The following NRDE2 variants were observed in gnomAD, a reference collection of about 807,000 sequenced individuals.
NRDE2 encodes NRDE-2, necessary for RNA interference, domain containing, also known as nuclear exosome regulator NRDE2.
NRDE2 carries 76 observed loss-of-function variants against 124.2 expected under a neutral mutation model. That is an observed-to-expected ratio of 0.61 (90% confidence interval 0.51 to 0.74). The LOEUF is 0.74. NRDE2 is among the 30% of genes least tolerant of loss of function. The pLI is 0.00. For synonymous variants in NRDE2, 489 were observed against 528.1 expected (o/e 0.93, Z 1.01); for missense variants, 1,314 against 1,417.3 (o/e 0.93, Z 1.17).
intron 1 of NRDE2, among the ~76,000 whole-genome samples, chr14:90,324,110 C>T (rs1885333904): frequency 6.6e-6 from 1 of 152,050 alleles, no homozygotes; most frequent in African/African-American, 2.4e-5. Context: ...AATCTCTCAG[C>T]TAAGATCTAA....
chr14:90,290,175 A>G (rs1477382189), intron 10 of NRDE2, 46 bp downstream of exon 10: 31 of 1,585,748 alleles, frequency 2.0e-5, no homozygotes, highest in Non-Finnish European at 2.5e-5. Flanking sequence ...AAACACTGAC[A>G]TGAAATGAAA....
chr14:90,282,887 G>A (rs1891994314), intron 12 of NRDE2, among the ~76,000 whole-genome samples: 2 of 152,080 alleles, frequency 1.3e-5, no homozygotes, highest in South Asian at 2.1e-4. Flanking sequence ...GGCCGGTCTC[G>A]AACTCCCGAA....
At chr14:90,278,598 G>T in intron 13 of NRDE2, 137 bp from the exon 14 acceptor site, 1 of 1,070,886 alleles carries the variant, frequency 9.3e-7, no homozygotes, top group Non-Finnish European at 1.3e-6. Context: ...CCTTGGCTGA[G>T]ACTTTCTTAA....
chr14:90,294,168 T>C (rs892450970), intron 8 of NRDE2, among the ~76,000 whole-genome samples: 1 of 152,086 alleles, frequency 6.6e-6, no homozygotes, highest in Non-Finnish European at 1.5e-5. Context: ...AGGGAAGTTA[T>C]GCTAAGTTAA....
chr14:90,299,317 G>A (rs1473927793), intron 7 of NRDE2, among the ~76,000 whole-genome samples: 1 of 152,014 alleles, frequency 6.6e-6, no homozygotes. Context: ...CAAAGTGCTG[G>A]GATTACAAGC....
Position 90,303,015 on chromosome 14 carries a change from C to A in NRDE2, c.1116G>T (p.Arg372=). The change falls in exon 6 of 14, where the codon CGG becomes CGT. Residue 372 remains arginine (R), a synonymous_variant. Transcript: ENST00000354366. The part of the protein sequence containing the change: ...ILEKKLAILE[R]AIESNQSSVD... The stretch of plus-strand genomic sequence containing the variant: ...CACTGCTCTGGTTGCTCTCAATGGC[C>A]CGCTCCAGAATGGCCAGCTTCTTCT... The A allele has an allele frequency of 6.2e-7, 1 of 1,614,040 alleles. No homozygotes were observed. The highest frequency in any genetic ancestry group is 8.5e-7 in the Non-Finnish European group (1 of 1,180,028).
chr14:90,310,905 A>C (rs555950801), intron 4 of NRDE2, among the ~76,000 whole-genome samples: 6 of 152,288 alleles, frequency 3.9e-5, no homozygotes, highest in Non-Finnish European at 8.8e-5. Context: ...GATAACTCAA[A>C]AATATATGAA....
At chr14:90,281,702 T>G (rs1000791070) in intron 12 of NRDE2, 3 of 152,248 alleles carry the variant, frequency 2.0e-5, no homozygotes, top group Admixed American at 1.3e-4. Flanking sequence ...CAAATTTTGA[T>G]TCTCTTTTTT....
chr14:90,289,292 T>A, intron 10 of NRDE2, 147 bp from the exon 11 acceptor site: 1 of 643,480 alleles, frequency 1.6e-6, no homozygotes. Flanking sequence ...CTCTCTGAGC[T>A]GGAAAAGAAA....
intron 2 of NRDE2, 67 bp from the exon 3 acceptor site, chr14:90,316,878 T>C: frequency 9.7e-7 from 1 of 1,026,438 alleles, no homozygotes; most frequent in Non-Finnish European, 1.4e-6. Flanking sequence ...ACTATGTAAA[T>C]AAGTCAACAA....
intron 5 of NRDE2, 68 bp from the exon 6 acceptor site, chr14:90,303,193 T>C: frequency 6.9e-7 from 1 of 1,454,882 alleles, no homozygotes; most frequent in Non-Finnish European, 9.3e-7. Flanking sequence ...CAACAATGCT[T>C]ACTGATTTTC....
rs756253480 is a variant in NRDE2 at position 90,303,067 on chromosome 14, C to G, written c.1064G>C (p.Arg355Pro). The change falls in exon 6 of 14, where the codon CGA becomes CCA. Residue 355 changes from arginine to proline, a missense_variant. By Grantham distance (103) the Arg-to-Pro change is moderately radical (BLOSUM62 -2). Coordinates refer to ENST00000354366, the MANE Select transcript of NRDE2 (RefSeq NM_017970.4). ...YAIEEGEQEK[R>P]KRSLKLILEK... ...CAGAATGAGCTTCAGGGACCTCTTT[C>G]GCTTTTCCTGCTCTCCTTCCTCGAT... 6.2e-7 allele frequency: 1 copy of G among 1,613,990 alleles called. No homozygotes were observed. Among genetic ancestry groups the G allele is most frequent in the East Asian group, 2.2e-5 (1 of 44,886 alleles).
intron 4 of NRDE2, among the ~76,000 whole-genome samples, chr14:90,308,345 AGT>A (rs1884694796): frequency 6.6e-6 from 1 of 152,178 alleles, no homozygotes; most frequent in African/African-American, 2.4e-5. Context: ...TCCCATACAC[AGT>A]GTCACTGCGG....
rs1891571527 is a variant in NRDE2 at position 90,268,346 on chromosome 14, C to G, written c.*9990G>C. On this transcript the variant is annotated 3_prime_UTR_variant, in exon 14 of 14. Coordinates refer to ENST00000354366, the MANE Select transcript of NRDE2 (RefSeq NM_017970.4). ...GCCCAAACTCGTACGGGAATTGTTC[C>G]GAGTTGCTGAAGAACATGCACCGTC... 1 of 1,613,700 alleles carries G rather than the reference C, an allele frequency of 6.2e-7. No individual in the cohort carries two copies. Among genetic ancestry groups the G allele is most frequent in the Non-Finnish European group, 8.5e-7 (1 of 1,179,744 alleles).
chr14:90,301,500 A>C (rs944576814), intron 6 of NRDE2, 128 bp from the exon 7 acceptor site: 4 of 802,522 alleles, frequency 5.0e-6, no homozygotes, highest in Non-Finnish European at 7.9e-6. Context: ...TAATTTACAA[A>C]GCTGTGATAC....
In NRDE2 at chr14:90,318,054, G is replaced by A; in HGVS notation, c.124C>T (p.Gln42Ter). Residue 42 changes from glutamine (Q) to a stop codon, truncating the protein, a stop_gained, in exon 2 of 14, where the codon CAA (glutamine) becomes TAA (stop). Transcript: ENST00000354366. LOFTEE classifies it high-confidence loss of function. ...CVGSITSLSQ[Q>*]TEAAPAHVSE... The stretch of plus-strand genomic sequence containing the variant: ...ACATGGGCTGGAGCTGCTTCAGTTT[G>A]TTGGCTCAGGGACGTTATGGATCCA... 6.2e-7 allele frequency: 1 copy of A among 1,614,188 alleles called. No individual in the cohort carries two copies. Among genetic ancestry groups the A allele is most frequent in the South Asian group, 1.1e-5 (1 of 91,078 alleles).
intron 8 of NRDE2, among the ~76,000 whole-genome samples, chr14:90,297,437 C>T (rs1884214598): frequency 6.6e-6 from 1 of 151,878 alleles, no homozygotes; most frequent in South Asian, 2.1e-4. Context: ...TTTGAAATTA[C>T]ACAAGAGGCT....
At chr14:90,290,111 G>A in intron 10 of NRDE2, 110 bp downstream of exon 10, 8 of 1,179,996 alleles carry the variant, frequency 6.8e-6, no homozygotes, top group Non-Finnish European at 8.2e-6. Flanking sequence ...TGGAGGAGGA[G>A]GTGCTGGGGC....
intron 12 of NRDE2, among the ~76,000 whole-genome samples, chr14:90,284,248 T>G (rs1892036975): frequency 6.6e-6 from 1 of 152,200 alleles, no homozygotes; most frequent in African/African-American, 2.4e-5. Flanking sequence ...CACTCCAGTT[T>G]TGTCATGTGT....
Sources: allele counts gnomAD v4.1 joint callset (sites outside exome capture counted in the v4.1 genomes callset), GRCh38; gene constraint gnomAD v4.1.1; transcripts MANE v1.5; gene names NCBI Gene and HGNC (gene_info 2026-07-23, HGNC 2026-07-21).